The following YEATS2 variants were observed in gnomAD, a reference collection of about 807,000 sequenced individuals.
YEATS2 encodes YEATS domain containing 2, also known as YEATS domain-containing protein 2.
Under a neutral mutation model 163.2 loss-of-function variants are expected in YEATS2, and 77 were observed. The ratio of observed to expected loss-of-function variants is 0.47; its 90% CI spans 0.39 to 0.57. YEATS2 has a LOEUF of 0.57. Ranked by LOEUF, YEATS2 falls within the 20% of genes least tolerant of loss-of-function variation. The pLI, the probability that YEATS2 is intolerant of heterozygous loss-of-function variation, is 0.00. For missense variants in YEATS2, 1,549 were observed against 1,729.8 expected (o/e 0.90, Z 1.85); for synonymous variants, 631 against 645.1 (o/e 0.98, Z 0.33).
chr3:183,712,795 T>C (rs1240294849), intron 1 of YEATS2, among the ~76,000 whole-genome samples: 3 of 151,538 alleles, frequency 2.0e-5, no homozygotes, highest in African/African-American at 7.3e-5. Flanking sequence ...AGTTTTGCTC[T>C]TGTTGCCCAG....
intron 8 of YEATS2, among the ~76,000 whole-genome samples, chr3:183,742,236 GA>G (rs1009977721): frequency 6.6e-6 from 1 of 151,792 alleles, no homozygotes; most frequent in Non-Finnish European, 1.5e-5. Flanking sequence ...TAAAAAAAAG[GA>G]AAAAAATATA....
At chr3:183,806,117 A>C (rs1028448576) in intron 27 of YEATS2, 1 of 363,164 alleles carries the variant, frequency 2.8e-6, no homozygotes, top group East Asian at 7.3e-5. Flanking sequence ...GCATCAGCAC[A>C]TACCTTGACT....
chr3:183,786,273 C>A lies in YEATS2; in HGVS notation c.2885C>A (p.Ala962Asp). ...VITTATSPAV[A>D]LSANGPAQQS... ...ACAACTGCCACTTCCCCTGCCGTGG[C>A]CCTCTCAGCAAACGGTCCTGCACAA... Residue 962 changes from alanine to aspartate, a missense_variant, in exon 20 of 31, where the codon GCC (alanine) becomes GAC (aspartate). Ala to Asp is a moderately radical substitution (Grantham distance 126). Coordinates refer to ENST00000305135, the MANE Select transcript of YEATS2 (RefSeq NM_018023.5). 6.2e-7 allele frequency: 1 copy of A among 1,613,680 alleles called. No individual in the cohort carries two copies. The highest frequency in any genetic ancestry group is 8.5e-7 in the Non-Finnish European group (1 of 1,179,684).
chr3:183,712,723 G>C (rs2109012310), intron 1 of YEATS2, among the ~76,000 whole-genome samples: 1 of 151,912 alleles, frequency 6.6e-6, no homozygotes, highest in East Asian at 1.9e-4. Context: ...CCAGCCACAA[G>C]TAGTTATTGA....
intron 1 of YEATS2, among the ~76,000 whole-genome samples, chr3:183,701,847 C>T (rs540643216): frequency 6.6e-6 from 1 of 152,190 alleles, no homozygotes; most frequent in Non-Finnish European, 1.5e-5. Flanking sequence ...ACTGCATTCT[C>T]CTCACCCTCA....
At chr3:183,738,032 C>T (rs1718534923) in intron 8 of YEATS2, among the ~76,000 whole-genome samples, 1 of 151,884 alleles carries the variant, frequency 6.6e-6, no homozygotes, top group African/African-American at 2.4e-5. Flanking sequence ...ATCCTGTGAT[C>T]AGTGGTCTTT....
intron 21 of YEATS2, among the ~76,000 whole-genome samples, chr3:183,793,960 T>C (rs1178915426): frequency 6.6e-6 from 1 of 152,112 alleles, no homozygotes; most frequent in Non-Finnish European, 1.5e-5. Flanking sequence ...AAACCAGCAG[T>C]TTTTCAATTA....
At chr3:183,808,990 T>C in intron 29 of YEATS2, 107 bp from the exon 30 acceptor site, 1 of 1,080,860 alleles carries the variant, frequency 9.3e-7, no homozygotes, top group Non-Finnish European at 1.4e-6. Flanking sequence ...TTTTAATCCC[T>C]AGTTGCAGTG....
intron 3 of YEATS2, 70 bp downstream of exon 3, chr3:183,717,818 T>A: frequency 1.1e-6 from 1 of 913,056 alleles, no homozygotes; most frequent in Non-Finnish European, 1.5e-6. Context: ...TGAAAAATAA[T>A]CTATTGAGAT....
intron 2 of YEATS2, among the ~76,000 whole-genome samples, chr3:183,716,770 A>G (rs1372204056): frequency 6.6e-6 from 1 of 152,104 alleles, no homozygotes; most frequent in Admixed American, 6.5e-5. Flanking sequence ...TTTGTTTGTT[A>G]CTGAGTGACA....
Position 183,741,099 on chromosome 3 carries a change from C to T in YEATS2, c.924+4270C>T, listed in dbSNP as rs192247373. Among the ~76,000 whole-genome samples, 734 of 151,838 alleles carry T rather than the reference C, an allele frequency of 4.8e-3. 3 individuals are homozygous for T. Among genetic ancestry groups the T allele is most frequent in the Non-Finnish European group, 5.9e-3 (400 of 67,932 alleles). On this transcript the variant is annotated intron_variant, in intron 8 of 30. Transcript: ENST00000305135. ...GATTACAGACCCCTGCCACCACGCG[C>T]GGATAATTTTTGTATTTTTAGTAGA... is the stretch of plus-strand genomic sequence containing the variant.
chr3:183,745,640 A>C (rs763746155), intron 8 of YEATS2, among the ~76,000 whole-genome samples: 84 of 152,090 alleles, frequency 5.5e-4, no homozygotes, highest in Admixed American at 5.9e-4. Context: ...AAATACTCTA[A>C]ATATTAGAGT....
chr3:183,760,689 GT>G (rs1338364143), intron 13 of YEATS2, among the ~76,000 whole-genome samples: 5 of 151,932 alleles, frequency 3.3e-5, no homozygotes, highest in African/African-American at 1.2e-4. Flanking sequence ...CAAGTTTTTT[GT>G]TTGTTTGCTT....
chr3:183,743,484 C>T (rs992540177), intron 8 of YEATS2, among the ~76,000 whole-genome samples: 6 of 151,986 alleles, frequency 3.9e-5, no homozygotes, highest in South Asian at 2.1e-4. Context: ...GGACCACAAG[C>T]GCATGCCACT....
Position 183,762,169 on chromosome 3 carries a change from C to T in YEATS2, c.1837C>T (p.Pro613Ser), listed in dbSNP as rs1202374023. The T allele has an allele frequency of 1.2e-6, 2 of 1,614,166 alleles. No individual in the cohort carries two copies. Among genetic ancestry groups the T allele is most frequent in the Admixed American group, 3.3e-5 (2 of 60,026 alleles). The change falls in exon 15 of 31, where the codon CCG becomes TCG. Residue 613 changes from proline to serine, a missense_variant. Physicochemically the swap from Pro to Ser is moderately conservative, Grantham distance 74. Transcript: ENST00000305135. ...AGGAGCTGCCAGCCAGTCACCACTC[C>T]CGCAGTATGTGACTGTGAAAGGGGG... ...ATGAASQSPL[P>S]QYVTVKGGHM... is the part of the protein sequence containing the mutation.
rs1335486862 is a variant in YEATS2 at position 183,721,900 on chromosome 3, A to G, written c.301A>G (p.Thr101Ala). 3 of 1,613,978 alleles carry G rather than the reference A, an allele frequency of 1.9e-6. No individual in the cohort carries two copies. Among genetic ancestry groups the G allele is most frequent in the Non-Finnish European group, 2.5e-6 (3 of 1,180,022 alleles). Residue 101 changes from threonine to alanine, a missense_variant, in exon 5 of 31, where the codon ACA becomes GCA. Coordinates refer to ENST00000305135, the MANE Select transcript of YEATS2 (RefSeq NM_018023.5). ...CTTTCATTTTTTGTAGGGATCAAAG[A>G]CATGTGATACAATGGTTTTTAATCA... is the stretch of plus-strand genomic sequence containing the variant. ...GLLKVSEGSKTCDTMVFNHPA... is the reference protein window; with the variant it reads ...GLLKVSEGSKACDTMVFNHPA...
intron 1 of YEATS2, among the ~76,000 whole-genome samples, chr3:183,714,397 C>T (rs1486124990): frequency 6.6e-6 from 1 of 151,342 alleles, no homozygotes; most frequent in Non-Finnish European, 1.5e-5. Context: ...GGGTTTTCAC[C>T]GTGTTATCCA....
chr3:183,807,257 AC>A, intron 28 of YEATS2, 165 bp downstream of exon 28: 1 of 651,010 alleles, frequency 1.5e-6, no homozygotes. Flanking sequence ...TGCCTGGTTG[AC>A]CCAGGTGTGC....
Position 183,801,505 on chromosome 3 carries a change from A to T in YEATS2, c.3479A>T (p.Lys1160Met), listed in dbSNP as rs976037692. The change falls in exon 25 of 31, where the codon AAG becomes ATG. Residue 1160 changes from lysine (K) to methionine (M), a missense_variant. Transcript: ENST00000305135. ...IQQLLTAVVK[K>M]IPLITAKSED... ...CAACTCCTAACTGCAGTAGTAAAGAAGATTCCATTAATCACTGCAAAAAGT... is the reference window on the plus strand; with the variant it reads ...CAACTCCTAACTGCAGTAGTAAAGATGATTCCATTAATCACTGCAAAAAGT... 2 of 1,611,176 alleles carry T rather than the reference A, an allele frequency of 1.2e-6. No homozygotes were observed. The highest frequency in any genetic ancestry group is 1.7e-5 in the Admixed American group (1 of 59,708).
Sources: allele counts gnomAD v4.1 joint callset (sites outside exome capture counted in the v4.1 genomes callset), GRCh38; gene constraint gnomAD v4.1.1; transcripts MANE v1.5; gene names NCBI Gene and HGNC (gene_info 2026-07-23, HGNC 2026-07-21).